FBXL17: variants seen among roughly 807,000 people sequenced by gnomAD.
The protein encoded by FBXL17 is F-box/LRR-repeat protein 17.
In FBXL17, 22 loss-of-function variants were observed where a neutral mutation model predicts 66.2. That is an observed-to-expected ratio of 0.33 (90% CI 0.24 to 0.47). The LOEUF is 0.47. Ranked by LOEUF, FBXL17 falls within the 20% of genes least tolerant of loss-of-function variation. FBXL17 has a pLI of 1.00. For missense variants in FBXL17, 878 were observed against 948.2 expected (o/e 0.93, Z 0.97); for synonymous variants, 474 against 400.5 (o/e 1.18, Z -2.19).
At chr5:107,879,015 T>C (rs1748698483) in intron 8 of FBXL17, 2 of 985,374 alleles carry the variant, frequency 2.0e-6, no homozygotes, top group South Asian at 9.4e-5. Flanking sequence ...ATACTGTCTC[T>C]ATTTAATTTT....
At chr5:108,134,423 A>G (rs761479896) in intron 6 of FBXL17, among the ~76,000 whole-genome samples, 25 of 152,192 alleles carry the variant, frequency 1.6e-4, no homozygotes, top group Non-Finnish European at 1.3e-4. Context: ...AACCGGGGAC[A>G]TAGTTGTATT....
chr5:108,302,936 G>A (rs1024781541), intron 4 of FBXL17, among the ~76,000 whole-genome samples: 3 of 151,628 alleles, frequency 2.0e-5, no homozygotes, highest in African/African-American at 7.3e-5. Flanking sequence ...GGCAATTTAC[G>A]TTCACTTCCT....
chr5:108,217,723 T>C (rs374156461), intron 5 of FBXL17, among the ~76,000 whole-genome samples: 1 of 152,218 alleles, frequency 6.6e-6, no homozygotes, highest in African/African-American at 2.4e-5. Flanking sequence ...CTCTTGAACT[T>C]ACTCTTGCTG....
chr5:107,933,921 T>C (rs531146108), intron 7 of FBXL17, among the ~76,000 whole-genome samples: 11 of 152,248 alleles, frequency 7.2e-5, no homozygotes, highest in African/African-American at 1.9e-4. Flanking sequence ...ACATGAATTA[T>C]ATAAAAGAAG....
chr5:108,375,376 C>A (rs948976322), intron 1 of FBXL17, among the ~76,000 whole-genome samples: 2 of 117,260 alleles, frequency 1.7e-5, no homozygotes, highest in Non-Finnish European at 4.1e-5. Context: ...TGCACACACA[C>A]ACACACACAC....
At chr5:108,008,010 G>T (rs1033018561) in intron 7 of FBXL17, among the ~76,000 whole-genome samples, 13 of 152,102 alleles carry the variant, frequency 8.5e-5, no homozygotes, top group Non-Finnish European at 1.5e-4. Context: ...AAATATTGTG[G>T]AAATAAAAGA....
chr5:108,275,494 C>T (rs1357059168), intron 4 of FBXL17, among the ~76,000 whole-genome samples: 5 of 152,142 alleles, frequency 3.3e-5, no homozygotes, highest in African/African-American at 4.8e-5. Flanking sequence ...CTCCCTTCTG[C>T]CTACTTCTAT....
chr5:108,309,818 TTTC>T (rs1329094019), intron 4 of FBXL17, among the ~76,000 whole-genome samples: 2 of 152,042 alleles, frequency 1.3e-5, no homozygotes, highest in Non-Finnish European at 2.9e-5. Flanking sequence ...TTTTCCAAGG[TTTC>T]TTTAGTGAGA....
intron 7 of FBXL17, among the ~76,000 whole-genome samples, chr5:107,883,405 T>C (rs1353779218): frequency 6.6e-6 from 1 of 152,044 alleles, no homozygotes; most frequent in African/African-American, 2.4e-5. Flanking sequence ...GTGTGACATA[T>C]TGGGCCTGTG....
chr5:108,065,816 G>A (rs1459148349), intron 6 of FBXL17, among the ~76,000 whole-genome samples: 2 of 152,094 alleles, frequency 1.3e-5, no homozygotes, highest in Non-Finnish European at 2.9e-5. Context: ...AGCAAGAGTT[G>A]ATGAGACAAA....
intron 6 of FBXL17, among the ~76,000 whole-genome samples, chr5:108,025,114 T>C (rs1026788390): frequency 2.0e-5 from 3 of 152,154 alleles, no homozygotes; most frequent in Non-Finnish European, 4.4e-5. Flanking sequence ...AAAGAACTAA[T>C]GAGGAAATAT....
Position 108,121,700 on chromosome 5 carries a change from G to A in FBXL17, c.1745+64417C>T, listed in dbSNP as rs576463418. Among the ~76,000 whole-genome samples the A allele has an allele frequency of 2.2e-3, 337 of 152,128 alleles. 2 individuals carry two copies. Among genetic ancestry groups the A allele is most frequent in the Non-Finnish European group, 3.7e-3 (250 of 67,996 alleles). On this transcript the variant is annotated intron_variant, in intron 6 of 8. Transcript: ENST00000542267. Reference sequence around the variant, plus strand: ...GCCTCCTGAGTAGCTGGGACTACAGGCACCCGCCACCACGCCTGGCTAATT... The same window carrying A: ...GCCTCCTGAGTAGCTGGGACTACAGACACCCGCCACCACGCCTGGCTAATT...
chr5:108,045,563 CCT>C (rs2112811549), intron 6 of FBXL17, among the ~76,000 whole-genome samples: 1 of 152,128 alleles, frequency 6.6e-6, no homozygotes, highest in African/African-American at 2.4e-5. Context: ...TAAAAATTTC[CCT>C]CTTTTCTAAT....
At chr5:107,996,188 C>T (rs943196970) in intron 7 of FBXL17, among the ~76,000 whole-genome samples, 1 of 152,172 alleles carries the variant, frequency 6.6e-6, no homozygotes. Flanking sequence ...TTGCTGAGTT[C>T]TCCTGTCCAA....
intron 6 of FBXL17, among the ~76,000 whole-genome samples, chr5:108,044,827 T>A (rs1385296769): frequency 2.0e-5 from 3 of 152,196 alleles, no homozygotes; most frequent in Non-Finnish European, 4.4e-5. Context: ...ATAAGTATAG[T>A]GCTGCTAAAC....
intron 7 of FBXL17, among the ~76,000 whole-genome samples, chr5:107,953,335 G>A (rs1045133777): frequency 8.4e-4 from 122 of 145,794 alleles, no homozygotes; most frequent in African/African-American, 3.1e-3. Context: ...CCCAGGAAGT[G>A]GAGCTTGCAG....
In FBXL17 at chr5:108,341,861, T is replaced by C. The variant is rs1218407401; in HGVS notation, c.1506+6538A>G. On this transcript the variant is annotated intron_variant, in intron 4 of 8. Transcript: ENST00000542267. ...TTAGTGCAATTACCTTACCCTAAAA[T>C]ATGTCTGCTTGCATATTCATCACAT... Among the ~76,000 whole-genome samples, 4 of 152,190 alleles carry C rather than the reference T, an allele frequency of 2.6e-5. No individual in the cohort carries two copies. The East Asian group carries it at 5.8e-4, about 22-fold the overall frequency.
chr5:108,112,106 G>A (rs1750058673), intron 6 of FBXL17, among the ~76,000 whole-genome samples: 1 of 152,172 alleles, frequency 6.6e-6, no homozygotes, highest in South Asian at 2.1e-4. Flanking sequence ...AGGACACCAA[G>A]GTGACCAGAA....
At chr5:108,003,666 A>T (rs185086169) in intron 7 of FBXL17, among the ~76,000 whole-genome samples, 4 of 152,350 alleles carry the variant, frequency 2.6e-5, no homozygotes, top group African/African-American at 9.6e-5. Flanking sequence ...AAAGAATCAT[A>T]ATTTCCAGAA....
Sources: allele counts gnomAD v4.1 joint callset (sites outside exome capture counted in the v4.1 genomes callset), GRCh38; gene constraint gnomAD v4.1.1; transcripts MANE v1.5; gene names NCBI Gene and HGNC (gene_info 2026-07-23, HGNC 2026-07-21).